Variants in LEMD1 observed in about 807,000 individuals in gnomAD.
LEMD1 encodes the protein LEM domain-containing protein 1.
In LEMD1, 18 loss-of-function variants were observed where a neutral mutation model predicts 17.4. The observed-to-expected ratio is 1.04, with a 90% CI of 0.72 to 1.54. The LOEUF is 1.54. Among genes scored for constraint, LEMD1 ranks in the 40% most tolerant of loss-of-function variants. The probability of loss-of-function intolerance (pLI) is 0.00; values close to 1 mark genes in which losing one functional copy is unlikely to be tolerated. For missense variants in LEMD1, 195 were observed against 210.4 expected, an observed-to-expected ratio of 0.93 and a Z score of 0.45; for synonymous variants, 88 against 77.8, an observed-to-expected ratio of 1.13 and a Z score of -0.69.
At chr1:205,393,685 A>C (rs552408849) in intron 4 of LEMD1, among the ~76,000 whole-genome samples, 2 of 152,212 alleles carry the variant, frequency 1.3e-5, no homozygotes, top group East Asian at 3.9e-4. Flanking sequence ...TAAAAAAAAA[A>C]AAAGGAAAAT....
intron 1 of LEMD1, among the ~76,000 whole-genome samples, chr1:205,431,607 T>C (rs1666126133): frequency 6.6e-6 from 1 of 152,226 alleles, no homozygotes; most frequent in South Asian, 2.1e-4. Flanking sequence ...TTCCACCCAC[T>C]TTATAAGTAG....
At chr1:205,422,563 C>T (rs762470237), upstream of LEMD1, among the ~76,000 whole-genome samples, 6 of 152,190 alleles carry the variant, frequency 3.9e-5, no homozygotes, top group African/African-American at 1.2e-4. Flanking sequence ...CGTATCATCT[C>T]ACTTCATCCT....
intron 4 of LEMD1, among the ~76,000 whole-genome samples, chr1:205,406,958 A>G (rs180715886): frequency 1.9e-3 from 285 of 152,296 alleles, no homozygotes; most frequent in Admixed American, 4.0e-3. Context: ...TATGCTAATG[A>G]GTTGGCTGGT....
chr1:205,388,039 G>A (rs191910797), intron 4 of LEMD1, among the ~76,000 whole-genome samples: 26 of 152,320 alleles, frequency 1.7e-4, no homozygotes, highest in South Asian at 4.1e-4. Flanking sequence ...GCTTGCCCAT[G>A]CTTACACAGC....
chr1:205,398,557 T>C (rs1664693702), intron 4 of LEMD1, among the ~76,000 whole-genome samples: 3 of 152,236 alleles, frequency 2.0e-5, no homozygotes. Context: ...AAGTTTTCCT[T>C]CCCTTCCTTA....
At chr1:205,398,066 C>A (rs1664672734) in intron 4 of LEMD1, among the ~76,000 whole-genome samples, 1 of 152,022 alleles carries the variant, frequency 6.6e-6, no homozygotes, top group African/African-American at 2.4e-5. Context: ...TCATATCTAC[C>A]AGGAGGTCAA....
intron 1 of LEMD1, among the ~76,000 whole-genome samples, chr1:205,447,458 C>T (rs1666411969): frequency 6.6e-6 from 1 of 152,116 alleles, no homozygotes; most frequent in South Asian, 2.1e-4. Context: ...CTGTCTTAGA[C>T]AGACTGGGGA....
At chr1:205,430,671 C>T (rs1666112409) in intron 1 of LEMD1, among the ~76,000 whole-genome samples, 1 of 152,174 alleles carries the variant, frequency 6.6e-6, no homozygotes, top group Non-Finnish European at 1.5e-5. Flanking sequence ...GCCGGTCTTC[C>T]ACACGCACAC....
At chr1:205,388,283 C>T (rs915946366) in intron 4 of LEMD1, among the ~76,000 whole-genome samples, 3 of 151,922 alleles carry the variant, frequency 2.0e-5, no homozygotes, top group South Asian at 2.1e-4. Flanking sequence ...CTGCAATCGC[C>T]GCCTCCCAGG....
At chr1:205,396,523 T>C (rs1355648980) in intron 4 of LEMD1, among the ~76,000 whole-genome samples, 1 of 152,126 alleles carries the variant, frequency 6.6e-6, no homozygotes, top group Non-Finnish European at 1.5e-5. Flanking sequence ...ATTGTTTGTG[T>C]TAGAAAAATT....
intron 4 of LEMD1, among the ~76,000 whole-genome samples, chr1:205,411,670 GAAAAGAAAGAAA>G (rs1486495664): frequency 7.9e-6 from 1 of 126,932 alleles, no homozygotes; most frequent in East Asian, 2.5e-4. Context: ...AAGAAAGAAA[GAAAAGAAAGAAA>G]GAAAGAAAGA....
At position 205,381,622 on chromosome 1, in the gene LEMD1, G is replaced by C; in HGVS notation, c.*36C>G. 2 of 1,599,790 alleles carry C rather than the reference G, an allele frequency of 1.3e-6. No homozygotes were observed. Among genetic ancestry groups the C allele is most frequent in the Non-Finnish European group, 1.7e-6 (2 of 1,166,924 alleles). On this transcript the variant is annotated 3_prime_UTR_variant, in exon 6 of 6. Transcript: ENST00000367153. Reference sequence around the variant, plus strand: ...GTTTTGGTTCTTTCCTGAAGCAGGAGGCCTCGCTTGGAGCATTGCTTTGCT... The same window carrying C: ...GTTTTGGTTCTTTCCTGAAGCAGGACGCCTCGCTTGGAGCATTGCTTTGCT...
chr1:205,411,360 G>A (rs1479745630), intron 4 of LEMD1, among the ~76,000 whole-genome samples: 1 of 151,882 alleles, frequency 6.6e-6, no homozygotes, highest in Non-Finnish European at 1.5e-5. Context: ...GAGGTCAGGA[G>A]ATCAAGACCA....
chr1:205,405,617 A>C (rs1287614764), intron 4 of LEMD1, among the ~76,000 whole-genome samples: 1 of 151,176 alleles, frequency 6.6e-6, no homozygotes, highest in Non-Finnish European at 1.5e-5. Context: ...ATTTTTTTCA[A>C]AGTTTTCAAC....
rs372821033 is a variant in LEMD1 at position 205,446,843 on chromosome 1, G to C, written c.-39+3025C>G. On this transcript the variant is annotated intron_variant, in intron 1 of 3. Coordinates refer to the LEMD1 transcript ENST00000367154. ...TTGTTCCTTTCACCATCTAAGCTGGGGCAGGAGGGGAAGTAGCCTGGATCA... is the reference window on the plus strand; with the variant it reads ...TTGTTCCTTTCACCATCTAAGCTGGCGCAGGAGGGGAAGTAGCCTGGATCA... Among the ~76,000 whole-genome samples, 14 of 152,184 alleles carry C rather than the reference G, an allele frequency of 9.2e-5. No homozygotes were observed. The South Asian group carries it at 2.9e-3, about 31-fold the overall frequency.
intron 4 of LEMD1, among the ~76,000 whole-genome samples, chr1:205,399,106 T>C (rs1260235146): frequency 6.6e-6 from 1 of 151,780 alleles, no homozygotes; most frequent in Admixed American, 6.6e-5. Flanking sequence ...TTCCAGCTAC[T>C]CGGGAGGTTG....
At chr1:205,400,853 C>A (rs1332852284) in intron 4 of LEMD1, among the ~76,000 whole-genome samples, 1 of 99,864 alleles carries the variant, frequency 1.0e-5, no homozygotes, top group African/African-American at 3.7e-5. Flanking sequence ...TCCCCCCCCC[C>A]ACCCCACAAC....
At chr1:205,445,402 C>A (rs889536365) in intron 1 of LEMD1, among the ~76,000 whole-genome samples, 2 of 152,226 alleles carry the variant, frequency 1.3e-5, no homozygotes, top group Non-Finnish European at 2.9e-5. Flanking sequence ...CTGGGAGAAG[C>A]CCGCATTCTC....
upstream of LEMD1, among the ~76,000 whole-genome samples, chr1:205,424,293 C>T (rs888848665): frequency 1.3e-5 from 2 of 152,142 alleles, no homozygotes; most frequent in African/African-American, 2.4e-5. Flanking sequence ...AAGTGGAAAG[C>T]GGAGGCATTT....
Sources: allele counts gnomAD v4.1 joint callset (sites outside exome capture counted in the v4.1 genomes callset), GRCh38; gene constraint gnomAD v4.1.1; transcripts MANE v1.5; gene names NCBI Gene and HGNC (gene_info 2026-07-23, HGNC 2026-07-21).